The following CEP128 variants were observed in gnomAD, a reference collection of about 807,000 sequenced individuals.
CEP128 encodes the protein centrosomal protein 128kDa.
Under a neutral mutation model 156.7 loss-of-function variants are expected in CEP128, and 132 were observed. That is an observed-to-expected ratio of 0.84 (90% confidence interval 0.73 to 0.97). The LOEUF is 0.97. Ranked by LOEUF, CEP128 falls within the 50% of genes least tolerant of loss-of-function variation. CEP128 has a pLI of 0.00. For missense variants in CEP128, 1,252 were observed against 1,281.9 expected (o/e 0.98, Z 0.36); for synonymous variants, 469 against 448.9 (o/e 1.04, Z -0.57).
intron 19 of CEP128, among the ~76,000 whole-genome samples, chr14:80,635,413 A>G (rs1396379728): frequency 6.6e-6 from 1 of 152,162 alleles, no homozygotes; most frequent in East Asian, 1.9e-4. Flanking sequence ...AAAAGAACAA[A>G]AAAACCCCCA....
chr14:80,822,220 A>G (rs1885224874), intron 13 of CEP128, among the ~76,000 whole-genome samples: 1 of 152,114 alleles, frequency 6.6e-6, no homozygotes, highest in African/African-American at 2.4e-5. Flanking sequence ...CCATACTCCA[A>G]AGTTTCATCT....
intron 19 of CEP128, among the ~76,000 whole-genome samples, chr14:80,645,221 T>C (rs1011470762): frequency 1.1e-4 from 16 of 152,184 alleles, no homozygotes; most frequent in African/African-American, 2.9e-4. Flanking sequence ...TAAGGGTACA[T>C]TGCCAAATGG....
chr14:80,626,324 C>T (rs1389941586), intron 19 of CEP128, among the ~76,000 whole-genome samples: 13 of 151,222 alleles, frequency 8.6e-5, no homozygotes, highest in South Asian at 8.4e-4. Context: ...ATTAGCCGGG[C>T]GCGGTGGCGG....
At chr14:80,938,820 T>C (rs1885986987) in intron 2 of CEP128, among the ~76,000 whole-genome samples, 1 of 152,348 alleles carries the variant, frequency 6.6e-6, no homozygotes, top group East Asian at 1.9e-4. Flanking sequence ...ATAGAACTTT[T>C]TGAACATTGA....
chr14:80,492,821 T>A (rs1887369676), downstream of CEP128, among the ~76,000 whole-genome samples: 1 of 152,190 alleles, frequency 6.6e-6, no homozygotes, highest in Admixed American at 6.5e-5. Context: ...AGTATGATTT[T>A]AAGAAAATAT....
intron 9 of CEP128, among the ~76,000 whole-genome samples, chr14:80,846,331 G>C (rs1297518068): frequency 6.6e-6 from 1 of 152,092 alleles, no homozygotes; most frequent in African/African-American, 2.4e-5. Context: ...CACATATGCT[G>C]AAGGATTAAG....
intron 19 of CEP128, among the ~76,000 whole-genome samples, chr14:80,597,971 C>CA (rs1214721152): frequency 9.3e-6 from 1 of 107,984 alleles, no homozygotes; most frequent in South Asian, 2.8e-4. Context: ...AAAAAAAAAA[C>CA]AAAACCCTAT....
At chr14:80,917,596 C>T (rs1187528840) in intron 2 of CEP128, among the ~76,000 whole-genome samples, 3 of 152,064 alleles carry the variant, frequency 2.0e-5, no homozygotes, top group Non-Finnish European at 4.4e-5. Context: ...TGCAGTGGCA[C>T]GATCTCAGCT....
exon 15 of CEP128, chr14:80,478,338 T>G (rs1377638725): frequency 6.6e-6 from 1 of 152,120 alleles, no homozygotes; most frequent in East Asian, 1.9e-4. Context: ...CCACGAGATT[T>G]AAGCAGTGTA....
At chr14:80,749,795 A>G (rs959020429) in intron 18 of CEP128, among the ~76,000 whole-genome samples, 5 of 152,208 alleles carry the variant, frequency 3.3e-5, no homozygotes, top group African/African-American at 9.6e-5. Context: ...CACATAAGAA[A>G]CAAGTGCTTA....
chr14:80,840,561 A>T (rs888969635), intron 10 of CEP128, 121 bp downstream of exon 10: 1 of 608,408 alleles, frequency 1.6e-6, no homozygotes, highest in Non-Finnish European at 2.9e-6. Flanking sequence ...TTGACTCCAC[A>T]TAGAAAGATA....
At chr14:80,811,787 CTGTGTG>C (rs140168558) in intron 13 of CEP128, among the ~76,000 whole-genome samples, 4 of 120,894 alleles carry the variant, frequency 3.3e-5, no homozygotes, top group African/African-American at 2.9e-5. Flanking sequence ...TCTTCTGCGT[CTGTGTG>C]TGTGTGTGTG....
intron 19 of CEP128, among the ~76,000 whole-genome samples, chr14:80,664,188 C>T (rs1322916264): frequency 3.9e-5 from 6 of 152,072 alleles, no homozygotes; most frequent in South Asian, 2.1e-4. Context: ...AAATAGGAGA[C>T]GCCCTCTGAT....
At chr14:80,879,174 G>C (rs1413749734) in intron 8 of CEP128, among the ~76,000 whole-genome samples, 1 of 152,058 alleles carries the variant, frequency 6.6e-6, no homozygotes, top group African/African-American at 2.4e-5. Flanking sequence ...AGGACCCTCA[G>C]GCCCATCTGC....
intron 16 of CEP128, among the ~76,000 whole-genome samples, chr14:80,770,301 C>T (rs1375301064): frequency 6.6e-6 from 1 of 152,226 alleles, no homozygotes; most frequent in Non-Finnish European, 1.5e-5. Context: ...ACGGCTTCAT[C>T]ATAGCTGTGT....
intron 19 of CEP128, among the ~76,000 whole-genome samples, chr14:80,688,835 T>C (rs186811884): frequency 6.6e-6 from 1 of 152,350 alleles, no homozygotes; most frequent in Admixed American, 6.5e-5. Context: ...CTGAAAAGTG[T>C]TACTTTGTTA....
chr14:80,579,553 T>C (rs1350879644), intron 20 of CEP128, among the ~76,000 whole-genome samples: 1 of 152,150 alleles, frequency 6.6e-6, no homozygotes, highest in African/African-American at 2.4e-5. Context: ...TGGCCTATCT[T>C]TCATTTGCCA....
At chr14:80,593,564 AAG>A (rs1362585088) in intron 19 of CEP128, among the ~76,000 whole-genome samples, 128 of 150,430 alleles carry the variant, frequency 8.5e-4, no homozygotes, top group African/African-American at 3.0e-3. Flanking sequence ...AAAAAAAAAA[AAG>A]AAAACCCCAT....
At chr14:80,819,691 G>A (rs1386594130) in intron 13 of CEP128, among the ~76,000 whole-genome samples, 2 of 152,138 alleles carry the variant, frequency 1.3e-5, no homozygotes, top group East Asian at 1.9e-4. Flanking sequence ...ACAATATTCA[G>A]TCTATAATAC....
Sources: allele counts gnomAD v4.1 joint callset (sites outside exome capture counted in the v4.1 genomes callset), GRCh38; gene constraint gnomAD v4.1.1; transcripts MANE v1.5; gene names NCBI Gene and HGNC (gene_info 2026-07-23, HGNC 2026-07-21).